Variants in IPO11 observed in about 807,000 individuals in gnomAD.
IPO11 encodes importin 11.
IPO11 carries 66 observed loss-of-function variants against 143.2 expected under a neutral mutation model. The ratio of observed to expected loss-of-function variants is 0.46; its 90% CI spans 0.38 to 0.57. The LOEUF (loss-of-function observed/expected upper bound fraction) is 0.57. Among genes scored for constraint, IPO11 ranks in the 20% least tolerant of loss-of-function variants. IPO11 has a pLI of 0.00. For missense variants in IPO11, 1,026 were observed against 1,141.0 expected (o/e 0.90, Z 1.45); for synonymous variants, 385 against 377.8 (o/e 1.02, Z -0.22).
chr5:62,571,527 A>G (rs538695107), intron 27 of IPO11, among the ~76,000 whole-genome samples: 54 of 152,336 alleles, frequency 3.5e-4, no homozygotes, highest in African/African-American at 1.3e-3. Flanking sequence ...CAGTAGGTAC[A>G]TCTCTTTCTT....
At chr5:62,420,934 A>G (rs751294785) in intron 1 of IPO11, among the ~76,000 whole-genome samples, 3 of 152,164 alleles carry the variant, frequency 2.0e-5, no homozygotes, top group East Asian at 1.9e-4. Flanking sequence ...TATATACTCA[A>G]TTTCATTAGA....
chr5:62,430,775 T>G (rs1017171722), intron 1 of IPO11, among the ~76,000 whole-genome samples: 1 of 151,436 alleles, frequency 6.6e-6, no homozygotes. Flanking sequence ...CCTCCTGGGT[T>G]CACACGATTC....
At chr5:62,483,897 A>G (rs1746303722) in intron 10 of IPO11, 113 bp from the exon 11 acceptor site, 5 of 853,002 alleles carry the variant, frequency 5.9e-6, no homozygotes, top group Admixed American at 3.1e-5. Flanking sequence ...GAAAATTTAT[A>G]CACAAGTGTA....
intron 27 of IPO11, chr5:62,580,962 A>G: frequency 6.4e-7 from 1 of 1,551,162 alleles, no homozygotes; most frequent in Non-Finnish European, 8.7e-7. Context: ...ATGCTGCTTC[A>G]ATGTCAGGGA....
chr5:62,550,799 C>A (rs1044150644), intron 25 of IPO11, among the ~76,000 whole-genome samples: 2 of 151,308 alleles, frequency 1.3e-5, no homozygotes, highest in Non-Finnish European at 2.9e-5. Flanking sequence ...TATGTTAAAC[C>A]ACTGGTTATT....
intron 20 of IPO11, among the ~76,000 whole-genome samples, chr5:62,517,469 C>G (rs1446365060): frequency 2.0e-5 from 3 of 152,170 alleles, no homozygotes; most frequent in African/African-American, 7.2e-5. Context: ...ATGGTGCGAT[C>G]TTGGCTCACT....
intron 22 of IPO11, 76 bp from the exon 23 acceptor site, chr5:62,536,624 CTA>C (rs1279952513): frequency 1.3e-6 from 2 of 1,484,130 alleles, no homozygotes; most frequent in Non-Finnish European, 1.8e-6. Flanking sequence ...TTTTAAATAA[CTA>C]TGAATCACTT....
intron 29 of IPO11, among the ~76,000 whole-genome samples, chr5:62,606,558 C>T (rs577212620): frequency 3.3e-5 from 5 of 151,132 alleles, no homozygotes; most frequent in East Asian, 1.9e-4. Context: ...TGTGTGCGGC[C>T]GGGTACGGTG....
At chr5:62,565,609 A>G (rs1318496884) in intron 27 of IPO11, among the ~76,000 whole-genome samples, 1 of 152,178 alleles carries the variant, frequency 6.6e-6, no homozygotes, top group Admixed American at 6.5e-5. Flanking sequence ...GTCTCAGTTT[A>G]TATCTTTTTA....
At chr5:62,472,618 C>T (rs1173382951) in intron 7 of IPO11, among the ~76,000 whole-genome samples, 3 of 151,014 alleles carry the variant, frequency 2.0e-5, no homozygotes, top group African/African-American at 7.3e-5. Context: ...ACCTCTGCCT[C>T]CCAAGGTCAA....
intron 9 of IPO11, among the ~76,000 whole-genome samples, chr5:62,481,982 C>T (rs1036090790): frequency 1.3e-5 from 2 of 152,098 alleles, no homozygotes; most frequent in Admixed American, 6.6e-5. Context: ...TTACTGGTCT[C>T]TTCAGAGATT....
intron 26 of IPO11, among the ~76,000 whole-genome samples, chr5:62,558,800 A>G (rs1743665165): frequency 6.6e-6 from 1 of 152,192 alleles, no homozygotes; most frequent in South Asian, 2.1e-4. Context: ...AAATGAGAGT[A>G]TTATTACATT....
chr5:62,435,680 G>A lies in IPO11; in HGVS notation c.-6-1594G>A, dbSNP rs540587957. Among the ~76,000 whole-genome samples the A allele has an allele frequency of 8.6e-5, 13 of 150,926 alleles. No homozygotes were observed. The East Asian group carries it at 1.6e-3, about 18-fold the overall frequency. ...GCAGAGGTTGCAGTGAGCCGAGATC[G>A]TGCCACTGCACTCCAGCCTGGGCAA... On this transcript the variant is annotated intron_variant, in intron 1 of 29. Coordinates refer to ENST00000325324, the MANE Select transcript of IPO11 (RefSeq NM_016338.5).
chr5:62,517,432 C>T (rs1002733429), intron 20 of IPO11, among the ~76,000 whole-genome samples: 3 of 152,218 alleles, frequency 2.0e-5, no homozygotes, highest in East Asian at 1.9e-4. Context: ...GACGGAGTTT[C>T]GCTCTTGTTG....
intron 15 of IPO11, among the ~76,000 whole-genome samples, chr5:62,493,572 CT>C (rs774338851): frequency 4.1e-3 from 586 of 142,238 alleles, no homozygotes; most frequent in Non-Finnish European, 3.9e-3. Context: ...AGGCTTTAAG[CT>C]TTTTTTTTTT....
chr5:62,598,435 TCTCTCTCTCTC>T, intron 28 of IPO11, among the ~76,000 whole-genome samples: 5 of 3,046 alleles, frequency 1.6e-3, no homozygotes, highest in Non-Finnish European at 2.1e-3. Flanking sequence ...TTTCTTTCTC[TCTCTCTCTCTC>T]TCTCTCTCTC....
intron 19 of IPO11, among the ~76,000 whole-genome samples, chr5:62,510,764 C>G (rs1741722516): frequency 6.6e-6 from 1 of 152,016 alleles, no homozygotes; most frequent in African/African-American, 2.4e-5. Context: ...GAGATGGAGT[C>G]TTGCTTTGTC....
intron 28 of IPO11, among the ~76,000 whole-genome samples, chr5:62,593,712 C>T (rs1159236307): frequency 6.6e-6 from 1 of 152,216 alleles, no homozygotes; most frequent in Non-Finnish European, 1.5e-5. Context: ...TATCTGACCA[C>T]TGGTTTCTTT....
chr5:62,520,216 G>A (rs977421099), intron 20 of IPO11, among the ~76,000 whole-genome samples: 12 of 152,182 alleles, frequency 7.9e-5, no homozygotes, highest in Admixed American at 2.6e-4. Flanking sequence ...CTAGGGAATG[G>A]TGTGTGTACA....
Sources: allele counts gnomAD v4.1 joint callset (sites outside exome capture counted in the v4.1 genomes callset), GRCh38; gene constraint gnomAD v4.1.1; transcripts MANE v1.5; gene names NCBI Gene and HGNC (gene_info 2026-07-23, HGNC 2026-07-21).